LRRC28: variants seen among roughly 807,000 people sequenced by gnomAD.
LRRC28 encodes leucine-rich repeat-containing protein 28.
A neutral mutation model predicts 45.7 loss-of-function variants in LRRC28; 39 were observed. The ratio of observed to expected loss-of-function variants is 0.85; its 90% CI spans 0.66 to 1.12. LRRC28 has a LOEUF of 1.12. Ranked by LOEUF, LRRC28 falls within the 50% of genes most tolerant of loss-of-function variation. LRRC28 has a pLI of 0.00. For synonymous variants in LRRC28, 206 were observed against 178.8 expected (o/e 1.15, Z -1.22); for missense variants, 435 against 438.5 (o/e 0.99, Z 0.07).
At chr15:99,282,680 C>G (rs756824282) in intron 3 of LRRC28, among the ~76,000 whole-genome samples, 14 of 152,136 alleles carry the variant, frequency 9.2e-5, no homozygotes, top group Non-Finnish European at 2.1e-4. Flanking sequence ...GTGTGGTAGG[C>G]TATACCATCT....
intron 5 of LRRC28, among the ~76,000 whole-genome samples, chr15:99,300,823 C>T (rs1418063510): frequency 6.6e-6 from 1 of 152,094 alleles, no homozygotes; most frequent in Non-Finnish European, 1.5e-5. Flanking sequence ...GAGACCCTGT[C>T]TAAGAAAATA....
rs532096380 is a variant in LRRC28, at chr15:99,301,938, T to G, written c.385+13987T>G. Among the ~76,000 whole-genome samples the G allele has an allele frequency of 2.4e-3, 370 of 152,324 alleles. 3 individuals carry two copies. Among genetic ancestry groups the G allele is most frequent in the Non-Finnish European group, 3.4e-3 (229 of 68,020 alleles). ...GTGTGTTCCATACATCACTTTTTTT[T>G]TTCTACATACCACTCTTAAATGTCA... is the stretch of plus-strand genomic sequence containing the variant. On this transcript the variant is annotated intron_variant, in intron 5 of 9. Coordinates refer to ENST00000301981, the MANE Select transcript of LRRC28 (RefSeq NM_144598.5).
At chr15:99,314,437 C>CTAAATAAATAAATAAA (rs71922869) in intron 5 of LRRC28, among the ~76,000 whole-genome samples, 2 of 127,832 alleles carry the variant, frequency 1.6e-5, no homozygotes, top group South Asian at 4.8e-4. Flanking sequence ...GACCTTGTCT[C>CTAAATAAATAAATAAA]TAAATAAATA....
chr15:99,322,060 C>G (rs544847453), intron 5 of LRRC28, among the ~76,000 whole-genome samples: 1 of 151,876 alleles, frequency 6.6e-6, no homozygotes, highest in East Asian at 1.9e-4. Flanking sequence ...CATTCCTGAC[C>G]GAGGAATAGC....
At chr15:99,295,708 G>C (rs1475721974) in intron 5 of LRRC28, among the ~76,000 whole-genome samples, 1 of 152,158 alleles carries the variant, frequency 6.6e-6, no homozygotes, top group East Asian at 1.9e-4. Context: ...TCCTTGAAAA[G>C]TTGTTTTGCA....
At chr15:99,288,414 G>A (rs778850338) in intron 5 of LRRC28, among the ~76,000 whole-genome samples, 7 of 110,160 alleles carry the variant, frequency 6.4e-5, no homozygotes, top group Admixed American at 1.3e-4. Context: ...ATAGAGTCTT[G>A]CCCTGTCGTC....
intron 9 of LRRC28, among the ~76,000 whole-genome samples, chr15:99,383,017 G>A (rs545951165): frequency 5.9e-5 from 9 of 152,144 alleles, no homozygotes; most frequent in African/African-American, 1.7e-4. Flanking sequence ...ACAACTCAGT[G>A]TTTCTTAGTA....
At chr15:99,375,344 C>G (rs1957598120) in intron 9 of LRRC28, among the ~76,000 whole-genome samples, 1 of 152,082 alleles carries the variant, frequency 6.6e-6, no homozygotes. Flanking sequence ...ATGTGTAATT[C>G]TTTTTGTACA....
intron 9 of LRRC28, among the ~76,000 whole-genome samples, chr15:99,385,561 G>A (rs894316143): frequency 1.3e-5 from 2 of 152,202 alleles, no homozygotes; most frequent in African/African-American, 4.8e-5. Flanking sequence ...AGCAACCTAT[G>A]TGTATGCGTA....
chr15:99,363,301 C>G, intron 9 of LRRC28, 36 bp downstream of exon 9: 15 of 1,607,920 alleles, frequency 9.3e-6, no homozygotes, highest in Non-Finnish European at 1.3e-5. Context: ...GGTTTACACC[C>G]AGGCAAGGGG....
chr15:99,358,586 C>T (rs1415539442), intron 7 of LRRC28, among the ~76,000 whole-genome samples: 1 of 152,098 alleles, frequency 6.6e-6, no homozygotes, highest in Non-Finnish European at 1.5e-5. Flanking sequence ...TAAACTGATA[C>T]ATCACTGAAA....
At chr15:99,316,149 G>T (rs1955585152) in intron 5 of LRRC28, among the ~76,000 whole-genome samples, 1 of 152,074 alleles carries the variant, frequency 6.6e-6, no homozygotes, top group African/African-American at 2.4e-5. Context: ...TATAAAGTTT[G>T]TTGTATCTAT....
intron 9 of LRRC28, among the ~76,000 whole-genome samples, chr15:99,377,231 C>G (rs373734699): frequency 1.3e-5 from 2 of 151,540 alleles, no homozygotes; most frequent in African/African-American, 4.9e-5. Context: ...TTTTAATGAT[C>G]GCCATTCTAA....
At chr15:99,353,379 T>C (rs1956947927) in intron 7 of LRRC28, among the ~76,000 whole-genome samples, 1 of 152,172 alleles carries the variant, frequency 6.6e-6, no homozygotes, top group South Asian at 2.1e-4. Context: ...CCCCCGTTGG[T>C]ATAGCACAAC....
At chr15:99,270,279 A>C (rs112256573) in intron 2 of LRRC28, among the ~76,000 whole-genome samples, 6,727 of 152,262 alleles carry the variant, frequency 0.044, 205 homozygotes, top group Non-Finnish European at 0.067. Flanking sequence ...ATTGGGGTGA[A>C]ACTGACATAA....
At chr15:99,259,480 G>A in intron 2 of LRRC28, 3 of 1,150,210 alleles carry the variant, frequency 2.6e-6, no homozygotes, top group Non-Finnish European at 2.6e-6. Flanking sequence ...CCAATTGGGT[G>A]AAAGATAAAG....
intron 9 of LRRC28, among the ~76,000 whole-genome samples, chr15:99,367,768 A>G (rs765841549): frequency 6.6e-6 from 1 of 152,158 alleles, no homozygotes; most frequent in Non-Finnish European, 1.5e-5. Context: ...CAGCTATCCC[A>G]GAGCTCTCCA....
chr15:99,329,133 G>C (rs761536467), intron 5 of LRRC28, among the ~76,000 whole-genome samples: 2 of 152,156 alleles, frequency 1.3e-5, no homozygotes, highest in Admixed American at 6.5e-5. Flanking sequence ...GAACAGATCA[G>C]TGAAATTGTT....
chr15:99,309,984 C>T (rs763653390), intron 5 of LRRC28, among the ~76,000 whole-genome samples: 4 of 152,164 alleles, frequency 2.6e-5, no homozygotes, highest in Non-Finnish European at 5.9e-5. Context: ...GATGCACCCT[C>T]GGGACATCTT....
Sources: allele counts gnomAD v4.1 joint callset (sites outside exome capture counted in the v4.1 genomes callset), GRCh38; gene constraint gnomAD v4.1.1; transcripts MANE v1.5; gene names NCBI Gene and HGNC (gene_info 2026-07-23, HGNC 2026-07-21).